MCTP2: variants seen among roughly 807,000 people sequenced by gnomAD.
The protein encoded by MCTP2 is multiple C2 and transmembrane domain containing 2.
Under a neutral mutation model 111.6 loss-of-function variants are expected in MCTP2, and 132 were observed. The observed-to-expected ratio is 1.18, with a 90% CI of 1.03 to 1.37. The LOEUF (loss-of-function observed/expected upper bound fraction) is 1.37, where lower values mean the gene tolerates loss of function less well. Ranked by LOEUF, MCTP2 falls within the 40% of genes most tolerant of loss-of-function variation. The pLI is 0.00. For synonymous variants in MCTP2, 395 were observed against 387.7 expected (o/e 1.02, Z -0.22); for missense variants, 1,183 against 1,067.9 (o/e 1.11, Z -1.50).
At chr15:94,320,642 G>C (rs1157205223) in intron 4 of MCTP2, among the ~76,000 whole-genome samples, 1 of 152,214 alleles carries the variant, frequency 6.6e-6, no homozygotes, top group Non-Finnish European at 1.5e-5. Flanking sequence ...CAACAAGCAT[G>C]TCTTGGGTTT....
At chr15:94,239,454 A>G (rs1046427377) in intron 1 of MCTP2, among the ~76,000 whole-genome samples, 1 of 152,190 alleles carries the variant, frequency 6.6e-6, no homozygotes, top group African/African-American at 2.4e-5. Context: ...TCCTTGTCCT[A>G]CAGCGACAAT....
At chr15:94,460,557 ATGT>A (rs1025233711) in intron 20 of MCTP2, among the ~76,000 whole-genome samples, 1 of 152,230 alleles carries the variant, frequency 6.6e-6, no homozygotes, top group Non-Finnish European at 1.5e-5. Context: ...AAGGAAGATC[ATGT>A]TGTTTGGTAA....
intron 12 of MCTP2, 53 bp downstream of exon 12, chr15:94,370,233 A>G (rs1296180706): frequency 1.4e-6 from 2 of 1,456,870 alleles, no homozygotes; most frequent in Non-Finnish European, 1.9e-6. Flanking sequence ...CTGCTTTGAA[A>G]CAATCTCCTG....
chr15:94,337,609 C>G (rs924223440), intron 4 of MCTP2, among the ~76,000 whole-genome samples: 1 of 149,996 alleles, frequency 6.7e-6, no homozygotes. Context: ...GAGCATTTCA[C>G]TGAATGGCTG....
intron 1 of MCTP2, among the ~76,000 whole-genome samples, chr15:94,296,671 T>C (rs1425937052): frequency 6.6e-6 from 1 of 152,238 alleles, no homozygotes; most frequent in Non-Finnish European, 1.5e-5. Flanking sequence ...CTACTTTGTG[T>C]CATCGTATCT....
rs183915210 is a variant in MCTP2 at position 94,262,403 on chromosome 15, A to G, written c.-66+30739A>G. On this transcript the variant is annotated intron_variant, in intron 1 of 22. Transcript: ENST00000357742. Reference sequence around the variant, plus strand: ...AGATGACTAAGACATTGCTGAAACTATATTGGCCTAGGTCCATTTTTCAAA... The same window carrying G: ...AGATGACTAAGACATTGCTGAAACTGTATTGGCCTAGGTCCATTTTTCAAA... Among the ~76,000 whole-genome samples the G allele has an allele frequency of 2.1e-3, 324 of 152,336 alleles. 2 individuals carry two copies. The highest frequency in any genetic ancestry group is 3.4e-3 in the Non-Finnish European group (234 of 68,020).
chr15:94,267,766 G>A (rs2073629270), intron 1 of MCTP2, among the ~76,000 whole-genome samples: 1 of 150,692 alleles, frequency 6.6e-6, no homozygotes, highest in African/African-American at 2.4e-5. Context: ...TTTTTGGTTT[G>A]TTTGGTTTTG....
At chr15:94,297,365 A>G (rs776413017) in intron 1 of MCTP2, among the ~76,000 whole-genome samples, 7 of 152,194 alleles carry the variant, frequency 4.6e-5, no homozygotes, top group Non-Finnish European at 8.8e-5. Flanking sequence ...CCACACTTTC[A>G]TTCACATTCT....
chr15:94,430,983 C>G (rs939216670), intron 17 of MCTP2, among the ~76,000 whole-genome samples: 1 of 152,144 alleles, frequency 6.6e-6, no homozygotes, highest in African/African-American at 2.4e-5. Context: ...CCTTGTCTCT[C>G]TTTTGTTTTC....
At chr15:94,425,072 CCTTT>C (rs897717909) in intron 17 of MCTP2, among the ~76,000 whole-genome samples, 4 of 151,994 alleles carry the variant, frequency 2.6e-5, no homozygotes, top group African/African-American at 7.2e-5. Flanking sequence ...TTTGAAAAAT[CCTTT>C]CTTAAGCCCA....
chr15:94,374,431 G>T (rs572094693), intron 12 of MCTP2, among the ~76,000 whole-genome samples: 146 of 152,290 alleles, frequency 9.6e-4, no homozygotes, highest in African/African-American at 3.4e-3. Context: ...ACAGTATGCT[G>T]CTGAGAAGCT....
intron 8 of MCTP2, 178 bp from the exon 9 acceptor site, chr15:94,355,959 A>C (rs2078597980): frequency 7.9e-7 from 1 of 1,269,484 alleles, no homozygotes; most frequent in Non-Finnish European, 9.9e-7. Context: ...AAAGCTTGAG[A>C]AGGAAGTCAC....
chr15:94,426,397 T>C (rs932722148), intron 17 of MCTP2, among the ~76,000 whole-genome samples: 1 of 152,168 alleles, frequency 6.6e-6, no homozygotes, highest in Non-Finnish European at 1.5e-5. Context: ...CATATCTATC[T>C]CTACTTGAAG....
intron 21 of MCTP2, among the ~76,000 whole-genome samples, chr15:94,471,988 G>A (rs1029366512): frequency 2.6e-5 from 4 of 152,284 alleles, no homozygotes; most frequent in African/African-American, 9.6e-5. Flanking sequence ...TGTAAGTTGA[G>A]TGCCATGGTC....
At chr15:94,428,382 G>A (rs2082994011) in intron 17 of MCTP2, among the ~76,000 whole-genome samples, 1 of 152,054 alleles carries the variant, frequency 6.6e-6, no homozygotes, top group Admixed American at 6.6e-5. Flanking sequence ...CTTTTCCTTT[G>A]TAGTTGAACT....
intron 10 of MCTP2, among the ~76,000 whole-genome samples, chr15:94,366,278 T>G (rs1350309712): frequency 6.6e-6 from 1 of 152,216 alleles, no homozygotes; most frequent in East Asian, 1.9e-4. Flanking sequence ...TTTGATGAAT[T>G]TATTACATGC....
intron 14 of MCTP2, among the ~76,000 whole-genome samples, chr15:94,394,573 G>C (rs555289197): frequency 1.3e-5 from 2 of 152,142 alleles, no homozygotes; most frequent in South Asian, 4.2e-4. Context: ...AGACCATCCT[G>C]GCTAACATGG....
At position 94,390,381 on chromosome 15, in the gene MCTP2, T is replaced by C. The variant is rs537887769; in HGVS notation, c.1788+4856T>C. 5.9e-5 allele frequency among the ~76,000 whole-genome samples: 9 copies of C among 152,234 alleles called. No homozygotes were observed. The South Asian group carries it at 6.2e-4, about 11-fold the overall frequency. Reference sequence around the variant, plus strand: ...TAATCAGTAACACAATAAGTGTGCATTGGAAAACTCTAAGCACACTTCAGA... The same window carrying C: ...TAATCAGTAACACAATAAGTGTGCACTGGAAAACTCTAAGCACACTTCAGA... On this transcript the variant is annotated intron_variant, in intron 14 of 22. Transcript: ENST00000357742.
chr15:94,246,061 G>A (rs2071979511), intron 1 of MCTP2, among the ~76,000 whole-genome samples: 1 of 152,018 alleles, frequency 6.6e-6, no homozygotes, highest in Non-Finnish European at 1.5e-5. Flanking sequence ...TGGAAGAATG[G>A]GAGGGACTGG....
Sources: allele counts gnomAD v4.1 joint callset (sites outside exome capture counted in the v4.1 genomes callset), GRCh38; gene constraint gnomAD v4.1.1; transcripts MANE v1.5; gene names NCBI Gene and HGNC (gene_info 2026-07-23, HGNC 2026-07-21).